BFAR: variants seen among roughly 807,000 people sequenced by gnomAD.
BFAR encodes the protein bifunctional apoptosis regulator.
In BFAR, 52 loss-of-function variants were observed where a neutral mutation model predicts 54.4. The ratio of observed to expected loss-of-function variants is 0.96; its 90% CI spans 0.77 to 1.21. The LOEUF (loss-of-function observed/expected upper bound fraction) is 1.21, where lower values mean the gene tolerates loss of function less well. Among genes scored for constraint, BFAR ranks in the 50% most tolerant of loss-of-function variants. The probability of loss-of-function intolerance (pLI) is 0.00; values close to 1 mark genes in which losing one functional copy is unlikely to be tolerated. For missense variants in BFAR, 571 were observed against 534.0 expected (o/e 1.07, Z -0.68); for synonymous variants, 215 against 204.3 (o/e 1.05, Z -0.45).
intron 5 of BFAR, among the ~76,000 whole-genome samples, chr16:14,659,740 C>T (rs970870078): frequency 6.6e-6 from 1 of 151,616 alleles, no homozygotes; most frequent in Admixed American, 6.6e-5. Context: ...TTAGTAGAGA[C>T]GGGATTTCAC....
intron 1 of BFAR, among the ~76,000 whole-genome samples, chr16:14,642,597 G>C (rs1171237636): frequency 6.6e-6 from 1 of 152,166 alleles, no homozygotes; most frequent in Non-Finnish European, 1.5e-5. Context: ...CAGAGGGCAT[G>C]AGATGCATTT....
intron 7 of BFAR, chr16:14,667,402 C>T (rs965868840): frequency 2.1e-6 from 1 of 481,022 alleles, no homozygotes; most frequent in Non-Finnish European, 3.7e-6. Context: ...TTGAGGCTGT[C>T]ACAGGGAGGC....
At position 14,655,747 on chromosome 16, in the gene BFAR, CAAAT is replaced by C. The variant is rs531639663; in HGVS notation, c.783+544_783+547del. The stretch of plus-strand genomic sequence containing the variant: ...CAGCCACCGCGCCTGGCCTGTTTTA[CAAAT>C]AAATAAGGAAAGAGACACTTACATG... On this transcript the variant is annotated intron_variant, in intron 5 of 7. Transcript: ENST00000261658. Among the ~76,000 whole-genome samples, 16 of 152,244 alleles carry C rather than the reference CAAAT, an allele frequency of 1.1e-4. No individual in the cohort carries two copies. The South Asian group carries it at 3.1e-3, about 30-fold the overall frequency.
chr16:14,667,530 G>T, intron 7 of BFAR, 105 bp from the exon 8 acceptor site: 2 of 1,056,220 alleles, frequency 1.9e-6, no homozygotes, highest in Non-Finnish European at 2.8e-6. Context: ...CATTCAGCAC[G>T]GGCAGCCATG....
At chr16:14,647,554 G>A (rs1377720851) in intron 2 of BFAR, among the ~76,000 whole-genome samples, 1 of 152,008 alleles carries the variant, frequency 6.6e-6, no homozygotes, top group East Asian at 1.9e-4. Context: ...AATGGCGCAT[G>A]CCCATAATCC....
chr16:14,652,558 CGT>C, intron 4 of BFAR, among the ~76,000 whole-genome samples: 1 of 151,964 alleles, frequency 6.6e-6, no homozygotes, highest in Admixed American at 6.6e-5. Context: ...TAGGATTACA[CGT>C]GTGAGCCACC....
intron 2 of BFAR, among the ~76,000 whole-genome samples, chr16:14,645,943 A>G (rs1959781549): frequency 6.6e-6 from 1 of 152,210 alleles, no homozygotes; most frequent in South Asian, 2.1e-4. Context: ...ACCTTGGCTC[A>G]CTGCAACCTC....
intron 6 of BFAR, 36 bp from the exon 7 acceptor site, chr16:14,664,833 C>T: frequency 1.3e-6 from 2 of 1,569,574 alleles, no homozygotes; most frequent in Non-Finnish European, 1.8e-6. Context: ...AAAGTCAGTC[C>T]TCATGACTTT....
At chr16:14,648,764 C>G (rs1959879669) in intron 3 of BFAR, among the ~76,000 whole-genome samples, 172 bp downstream of exon 3, 1 of 152,104 alleles carries the variant, frequency 6.6e-6, no homozygotes, top group Non-Finnish European at 1.5e-5. Context: ...AGGAATGTTG[C>G]TTACTCAGGT....
intron 1 of BFAR, among the ~76,000 whole-genome samples, chr16:14,633,719 C>A (rs1959339311): frequency 6.6e-6 from 1 of 152,192 alleles, no homozygotes; most frequent in Non-Finnish European, 1.5e-5. Flanking sequence ...GTGGAGCAAT[C>A]TCGGCTCACT....
chr16:14,644,795 C>G (rs952752223), intron 2 of BFAR, among the ~76,000 whole-genome samples, 186 bp downstream of exon 2: 7 of 151,956 alleles, frequency 4.6e-5, no homozygotes, highest in African/African-American at 1.7e-4. Context: ...GTGTGAGCCA[C>G]CATGTCCAGC....
chr16:14,649,806 G>C lies in BFAR; in HGVS notation c.471G>C (p.Val157=). 2 of 1,596,396 alleles carry C rather than the reference G, an allele frequency of 1.3e-6. No individual in the cohort carries two copies. The highest frequency in any genetic ancestry group is 2.2e-5 in the South Asian group (2 of 89,092). Residue 157 remains valine (V), a splice_region_variant and synonymous_variant, in exon 4 of 8, where the codon GTG becomes GTC. Transcript: ENST00000261658. The stretch of plus-strand genomic sequence containing the variant: ...AAGTCCCTGTCACTTTTCCCCAGGT[G>C]GTCCTGCTCGTCTATCACTGGAGCA... ...GVLTALTGVA[V]VLLVYHWSSR...
Position 14,664,921 on chromosome 16 carries a change from C to T in BFAR, c.1010C>T (p.Ser337Phe), listed in dbSNP as rs137925406. ...KQWREFLVKY[S>F]FLPYQLIAEF... ...TGGAGAGAGTTCCTGGTCAAATACT[C>T]CTTCCTTCCATACCAGCTGATTGCT... Residue 337 changes from serine (S) to phenylalanine (F), a missense_variant, in exon 7 of 8, where the codon TCC becomes TTC. Coordinates refer to ENST00000261658, the MANE Select transcript of BFAR (RefSeq NM_016561.3). 1.2e-5 allele frequency: 19 copies of T among 1,613,886 alleles called. No homozygotes were observed. Among genetic ancestry groups the T allele is most frequent in the Non-Finnish European group, 1.4e-5 (17 of 1,179,922 alleles).
intron 7 of BFAR, among the ~76,000 whole-genome samples, chr16:14,666,550 C>T (rs915054241): frequency 5.3e-5 from 8 of 151,918 alleles, no homozygotes; most frequent in Non-Finnish European, 8.8e-5. Flanking sequence ...CCACCCTGGG[C>T]GACAAAACGA....
chr16:14,649,849 G>T lies in BFAR; in HGVS notation c.514G>T (p.Asp172Tyr). 6.2e-7 allele frequency: 1 copy of T among 1,612,120 alleles called. No individual in the cohort carries two copies. The highest frequency in any genetic ancestry group is 8.5e-7 in the Non-Finnish European group (1 of 1,178,942). Reference protein sequence around the residue: ...YHWSSRESEHDLLVHKAVAKW... With the variant: ...YHWSSRESEHYLLVHKAVAKW... ...CTGGAGCAGCAGGGAATCTGAACAC[G>T]ACCTCCTGGTCCACAAGGCTGTGGC... The change falls in exon 4 of 8, where the codon GAC (aspartate) becomes TAC (tyrosine). Residue 172 changes from aspartate to tyrosine, a missense_variant. By Grantham distance (160) the Asp-to-Tyr change is radical. Coordinates refer to ENST00000261658, the MANE Select transcript of BFAR (RefSeq NM_016561.3).
intron 3 of BFAR, among the ~76,000 whole-genome samples, 192 bp from the exon 4 acceptor site, chr16:14,649,612 C>G (rs1959906324): frequency 1.3e-5 from 2 of 152,082 alleles, no homozygotes; most frequent in South Asian, 4.2e-4. Flanking sequence ...AGAGAGGCAC[C>G]CGAGGAGAGC....
Position 14,668,000 on chromosome 16 carries a change from A to G in BFAR, c.*173A>G. 1 of 658,148 alleles carries G rather than the reference A, an allele frequency of 1.5e-6. No homozygotes were observed. The highest frequency in any genetic ancestry group is 4.2e-4 in the Middle Eastern group (1 of 2,356). 40.8% of individuals were successfully genotyped at this position (658,148 alleles called of 1,614,324 possible). On this transcript the variant is annotated 3_prime_UTR_variant, in exon 8 of 8. Transcript: ENST00000261658. ...CTCTCCCCCTCAGCCTGTGGGTGGC[A>G]CGAGCAAGGACTGACATCCGCACAG...
chr16:14,639,233 A>G (rs1959547606), intron 1 of BFAR, among the ~76,000 whole-genome samples: 1 of 152,044 alleles, frequency 6.6e-6, no homozygotes, highest in South Asian at 2.1e-4. Context: ...GGAATCAAGC[A>G]GTCCACCCGC....
intron 5 of BFAR, among the ~76,000 whole-genome samples, chr16:14,659,337 G>C (rs1384753220): frequency 1.3e-5 from 2 of 151,330 alleles, no homozygotes; most frequent in Non-Finnish European, 2.9e-5. Flanking sequence ...CACCTCCCAG[G>C]TTCAAGCGAT....
Sources: gnomAD v4.1 joint callset for allele counts (sites outside exome capture counted in the v4.1 genomes callset) on GRCh38, gnomAD v4.1.1 for gene constraint, MANE v1.5 for transcripts, NCBI Gene and HGNC (gene_info 2026-07-23, HGNC 2026-07-21) for gene names.